The following CFAP20DC variants were observed in gnomAD, a reference collection of about 807,000 sequenced individuals.
CFAP20DC encodes protein CFAP20DC.
In CFAP20DC, 84 loss-of-function variants were observed where a neutral mutation model predicts 101.7. The observed-to-expected ratio is 0.83, with a 90% CI of 0.69 to 0.99. The LOEUF (loss-of-function observed/expected upper bound fraction) is 0.99, where lower values mean the gene tolerates loss of function less well. Ranked by LOEUF, CFAP20DC falls within the 50% of genes least tolerant of loss-of-function variation. CFAP20DC has a pLI of 0.00. For missense variants in CFAP20DC, 1,007 were observed against 970.3 expected (o/e 1.04, Z -0.50); for synonymous variants, 359 against 351.2 (o/e 1.02, Z -0.25).
chr3:58,852,577 C>G lies in CFAP20DC; in HGVS notation c.1594-3168G>C, dbSNP rs377414327. 1.3e-4 allele frequency among the ~76,000 whole-genome samples: 19 copies of G among 151,818 alleles called. No homozygotes were observed. The South Asian group carries it at 3.6e-3, about 29-fold the overall frequency. The stretch of plus-strand genomic sequence containing the variant: ...CACCTATTCCAAAATTGACCACATA[C>G]TTGGAAGTAAAGCTCTCCTCAGCAA... On this transcript the variant is annotated intron_variant, in intron 12 of 16. Coordinates refer to ENST00000482387, the MANE Select transcript of CFAP20DC (RefSeq NM_001394063.1).
chr3:58,782,538 G>A (rs1184269494), intron 15 of CFAP20DC, among the ~76,000 whole-genome samples: 1 of 151,924 alleles, frequency 6.6e-6, no homozygotes, highest in East Asian at 1.9e-4. Context: ...AAAACCTAAA[G>A]ACTCCAGAAA....
In CFAP20DC at chr3:59,039,692, C is replaced by T. The variant is rs558532373; in HGVS notation, c.206-63G>A. ...GCATTTATATGTGCATATAAACAAA[C>T]ACAATCACAAACCACGAACAAGCTG... is the stretch of plus-strand genomic sequence containing the variant. On this transcript the variant is annotated intron_variant, in intron 3 of 16. Coordinates refer to ENST00000482387, the MANE Select transcript of CFAP20DC (RefSeq NM_001394063.1). 9.9e-6 allele frequency: 10 copies of T among 1,009,910 alleles called. No individual in the cohort carries two copies. In the East Asian group the frequency reaches 1.4e-4, roughly 14 times the overall value. The allele number at this position is 1,009,910 out of a possible 1,614,324, so 62.6% of individuals were successfully genotyped here.
chr3:59,030,226 G>A (rs1014659205), intron 4 of CFAP20DC, among the ~76,000 whole-genome samples: 1 of 152,190 alleles, frequency 6.6e-6, no homozygotes, highest in African/African-American at 2.4e-5. Context: ...TATGCTGCCA[G>A]AAACATAGTA....
At chr3:58,891,111 C>G (rs1231962408) in intron 6 of CFAP20DC, among the ~76,000 whole-genome samples, 2 of 150,932 alleles carry the variant, frequency 1.3e-5, no homozygotes, top group Non-Finnish European at 3.0e-5. Flanking sequence ...CGAGATCACG[C>G]CACTGCACTC....
chr3:58,841,364 T>C (rs1353902660), intron 13 of CFAP20DC, among the ~76,000 whole-genome samples: 3 of 152,226 alleles, frequency 2.0e-5, no homozygotes, highest in African/African-American at 4.8e-5. Context: ...AAGAGTATTA[T>C]ATACCCTAGA....
At chr3:58,754,445 G>T (rs1384636187) in intron 15 of CFAP20DC, among the ~76,000 whole-genome samples, 1 of 152,026 alleles carries the variant, frequency 6.6e-6, no homozygotes, top group Non-Finnish European at 1.5e-5. Flanking sequence ...GCTTCCTCTC[G>T]TAGATACCTG....
chr3:58,831,897 A>G lies in CFAP20DC; in HGVS notation c.1972-8T>C. On this transcript the variant is annotated splice_region_variant and splice_polypyrimidine_tract_variant and intron_variant, in intron 13 of 16. Coordinates refer to ENST00000482387, the MANE Select transcript of CFAP20DC (RefSeq NM_001394063.1). Reference sequence around the variant, plus strand: ...GTTTCGCCAGTCATATTCCTGACCAAGAGAGAGGAAAATAACAAAGGGTCA... The same window carrying G: ...GTTTCGCCAGTCATATTCCTGACCAGGAGAGAGGAAAATAACAAAGGGTCA... 1 of 1,612,736 alleles carries G rather than the reference A, an allele frequency of 6.2e-7. No individual in the cohort carries two copies. Among genetic ancestry groups the G allele is most frequent in the Non-Finnish European group, 8.5e-7 (1 of 1,178,880 alleles).
intron 4 of CFAP20DC, among the ~76,000 whole-genome samples, chr3:58,946,688 A>C (rs1272478587): frequency 6.6e-6 from 1 of 152,170 alleles, no homozygotes; most frequent in Non-Finnish European, 1.5e-5. Context: ...TTAGCACCCG[A>C]GACTCCAGGA....
Position 58,958,852 on chromosome 3 carries a change from G to A in CFAP20DC, c.279-21090C>T, listed in dbSNP as rs945370849. Among the ~76,000 whole-genome samples, 6 of 151,494 alleles carry A rather than the reference G, an allele frequency of 4.0e-5. No homozygotes were observed. In the East Asian group the frequency reaches 1.2e-3, roughly 29 times the overall value. ...AATTGTAAAAATTTTAAAATATTTT[G>A]TGTACAAGAACTTTATCATACATAT... On this transcript the variant is annotated intron_variant, in intron 4 of 16. Transcript: ENST00000482387.
chr3:58,731,635 A>C (rs1346366161), intron 3 of CFAP20DC, among the ~76,000 whole-genome samples: 1 of 152,246 alleles, frequency 6.6e-6, no homozygotes, highest in African/African-American at 2.4e-5. Context: ...GAATGCTGCT[A>C]ATATGCAAAA....
intron 12 of CFAP20DC, among the ~76,000 whole-genome samples, chr3:58,853,204 A>G (rs528738353): frequency 6.3e-4 from 96 of 152,276 alleles, no homozygotes; most frequent in African/African-American, 2.2e-3. Context: ...TACTACAAAC[A>G]CCTCTACGCA....
chr3:58,925,718 A>G (rs1053121865), intron 5 of CFAP20DC, among the ~76,000 whole-genome samples: 10 of 152,190 alleles, frequency 6.6e-5, no homozygotes, highest in African/African-American at 2.4e-4. Context: ...AGCAAGTTCT[A>G]TTATTGCACT....
chr3:58,927,095 G>C (rs2086069956), intron 5 of CFAP20DC, among the ~76,000 whole-genome samples: 6 of 152,006 alleles, frequency 3.9e-5, no homozygotes, highest in Admixed American at 6.6e-5. Context: ...AATTGTTCTT[G>C]CCATTGAAAA....
chr3:59,033,330 A>G (rs2094032454), intron 4 of CFAP20DC, among the ~76,000 whole-genome samples: 1 of 152,138 alleles, frequency 6.6e-6, no homozygotes, highest in Non-Finnish European at 1.5e-5. Flanking sequence ...AAGGGAATAA[A>G]ACTGGATGGA....
At chr3:58,785,294 G>A (rs761597115) in intron 15 of CFAP20DC, among the ~76,000 whole-genome samples, 14 of 152,064 alleles carry the variant, frequency 9.2e-5, no homozygotes, top group Non-Finnish European at 1.8e-4. Flanking sequence ...GTGTGGGTAG[G>A]AGCGGGGATG....
At chr3:58,937,579 GAGTCA>G in intron 5 of CFAP20DC, 64 bp downstream of exon 5, 1 of 947,738 alleles carries the variant, frequency 1.1e-6, no homozygotes. Context: ...CTCACATATG[GAGTCA>G]GCCCATAAGT....
At chr3:58,896,350 AT>A (rs1460716858) in intron 6 of CFAP20DC, among the ~76,000 whole-genome samples, 11 of 151,856 alleles carry the variant, frequency 7.2e-5, no homozygotes, top group Admixed American at 5.3e-4. Context: ...GGACTCGTTG[AT>A]TTTTTGAAAG....
intron 5 of CFAP20DC, among the ~76,000 whole-genome samples, chr3:58,926,514 A>C (rs1441157871): frequency 2.0e-5 from 3 of 152,228 alleles, no homozygotes; most frequent in African/African-American, 7.2e-5. Flanking sequence ...ACATTCTCTA[A>C]TTGTATTTTG....
In CFAP20DC at chr3:58,884,649, T is replaced by C; in HGVS notation, c.611A>G (p.Gln204Arg). 6.2e-7 allele frequency: 1 copy of C among 1,613,942 alleles called. No homozygotes were observed. The highest frequency in any genetic ancestry group is 8.5e-7 in the Non-Finnish European group (1 of 1,179,814). ...GACATGTGGAACATCTGTCATTAGTTGACAGCTTCGTGGTATAATATCTGT... is the reference window on the plus strand; with the variant it reads ...GACATGTGGAACATCTGTCATTAGTCGACAGCTTCGTGGTATAATATCTGT... ...EPTDIIPRSC[Q>R]LMTDVPHVTQ... The change falls in exon 7 of 17, where the codon CAA (glutamine) becomes CGA (arginine). Residue 204 changes from glutamine (Q) to arginine (R), a missense_variant. Physicochemically the swap from Gln to Arg is conservative, Grantham distance 43. Coordinates refer to ENST00000482387, the MANE Select transcript of CFAP20DC (RefSeq NM_001394063.1).
Sources: allele counts gnomAD v4.1 joint callset (sites outside exome capture counted in the v4.1 genomes callset), GRCh38; gene constraint gnomAD v4.1.1; transcripts MANE v1.5; gene names NCBI Gene and HGNC (gene_info 2026-07-23, HGNC 2026-07-21).